MYPN: variants seen among roughly 807,000 people sequenced by gnomAD.
MYPN encodes the protein myopalladin.
A neutral mutation model predicts 129.4 loss-of-function variants in MYPN; 63 were observed. That is an observed-to-expected ratio of 0.49 (90% CI 0.40 to 0.60). The LOEUF is 0.60. MYPN is among the 20% of genes least tolerant of loss of function. The pLI is 0.00. For synonymous variants in MYPN, 629 were observed against 600.9 expected, an observed-to-expected ratio of 1.05 and a Z score of -0.68; for missense variants, 1,596 against 1,635.4, an observed-to-expected ratio of 0.98 and a Z score of 0.42.
chr10:68,103,006 CTTTG>C (rs1423340427), upstream of MYPN, among the ~76,000 whole-genome samples: 3 of 152,136 alleles, frequency 2.0e-5, no homozygotes, highest in African/African-American at 2.4e-5. Context: ...AACCATGAAT[CTTTG>C]TTTGGGCTGT....
At chr10:68,155,127 C>A (rs1375429236) in intron 6 of MYPN, among the ~76,000 whole-genome samples, 1 of 151,884 alleles carries the variant, frequency 6.6e-6, no homozygotes, top group Non-Finnish European at 1.5e-5. Context: ...GTTGCAGTGA[C>A]CCGAGATCAT....
At chr10:68,182,499 T>G (rs12357786) in intron 12 of MYPN, among the ~76,000 whole-genome samples, 1 of 125,414 alleles carries the variant, frequency 8.0e-6, no homozygotes, top group Non-Finnish European at 1.7e-5. Flanking sequence ...CACACACACA[T>G]ATATATATAT....
In MYPN at chr10:68,150,990, T is replaced by C. The variant is rs146547870; in HGVS notation, c.1317+879T>C. ...TGGTTAATTTTGCCCTTCAGAGTCA[T>C]TGGCACTTTTGTTGTCACAGCTGGG... On this transcript the variant is annotated intron_variant, in intron 6 of 19. Coordinates refer to ENST00000358913, the MANE Select transcript of MYPN (RefSeq NM_032578.4). 2.0e-5 allele frequency among the ~76,000 whole-genome samples: 3 copies of C among 152,308 alleles called. No homozygotes were observed. The East Asian group carries it at 5.8e-4, about 29-fold the overall frequency.
chr10:68,173,700 AAGCCTG>A (rs2043178450), intron 10 of MYPN, among the ~76,000 whole-genome samples: 1 of 151,712 alleles, frequency 6.6e-6, no homozygotes, highest in Admixed American at 6.6e-5. Context: ...CTCCAGGCTC[AAGCCTG>A]GGATCTCAAG....
At chr10:68,106,420 T>G (rs1220669726), upstream of MYPN, 1 of 417,420 alleles carries the variant, frequency 2.4e-6, no homozygotes, top group Non-Finnish European at 4.5e-6. Context: ...AGATCTTTTA[T>G]AATCCACCAC....
Position 68,210,311 on chromosome 10 carries a change from G to A in MYPN, c.3819G>A (p.Pro1273=), listed in dbSNP as rs528450397. ...CTCAGTGGCACCATCAGATCCCACC[G>A]CCCATGTCTGTCCGGCCCAGTGGCA... ...IYAQWHHQIP[P]PMSVRPSGSR... is the part of the protein sequence containing the mutation. Residue 1273 remains proline (P), a synonymous_variant, in exon 20 of 20, where the codon CCG becomes CCA. Coordinates refer to ENST00000358913, the MANE Select transcript of MYPN (RefSeq NM_032578.4). 1.6e-5 allele frequency: 26 copies of A among 1,613,734 alleles called. No homozygotes were observed. The highest frequency in any genetic ancestry group is 2.2e-5 in the East Asian group (1 of 44,882).
At chr10:68,181,270 G>A (rs2043308939) in intron 12 of MYPN, among the ~76,000 whole-genome samples, 1 of 152,090 alleles carries the variant, frequency 6.6e-6, no homozygotes, top group Non-Finnish European at 1.5e-5. Flanking sequence ...GCAGAACAGT[G>A]CAGAAAATAC....
intron 2 of MYPN, chr10:68,135,641 CT>C (rs1268794488): frequency 3.9e-6 from 1 of 257,642 alleles, no homozygotes; most frequent in East Asian, 1.8e-4. Context: ...GTGCACAAGC[CT>C]TCTTGAAAAA....
intron 2 of MYPN, among the ~76,000 whole-genome samples, chr10:68,125,844 G>A (rs2042317799): frequency 6.6e-6 from 1 of 152,194 alleles, no homozygotes; most frequent in African/African-American, 2.4e-5. Flanking sequence ...TGAGCTAGTG[G>A]AGGTCATAAA....
At position 68,158,518 on chromosome 10, in the gene MYPN, G is replaced by T. The variant is rs2042919587; in HGVS notation, c.1350G>T (p.Gln450His). The T allele has an allele frequency of 2.5e-6, 4 of 1,614,016 alleles. No individual in the cohort carries two copies. The highest frequency in any genetic ancestry group is 3.4e-6 in the Non-Finnish European group (4 of 1,179,928). ...MLQNLSASEGQLVVFECRVKG... is the reference protein window; with the variant it reads ...MLQNLSASEGHLVVFECRVKG... ...AAAATTTGTCAGCTTCTGAGGGTCA[G>T]CTGGTTGTCTTTGAATGCAGAGTAA... The change falls in exon 7 of 20, where the codon CAG (glutamine) becomes CAT (histidine). Residue 450 changes from glutamine (Q) to histidine (H), a missense_variant. By Grantham distance (24) the Gln-to-His change is conservative (BLOSUM62 0). Coordinates refer to ENST00000358913, the MANE Select transcript of MYPN (RefSeq NM_032578.4).
intron 12 of MYPN, among the ~76,000 whole-genome samples, chr10:68,180,080 T>C (rs1446093373): frequency 6.6e-6 from 1 of 152,216 alleles, no homozygotes; most frequent in Non-Finnish European, 1.5e-5. Context: ...TAGCACATAA[T>C]AGGTACTTAC....
chr10:68,177,069 C>T (rs558859902), intron 12 of MYPN, among the ~76,000 whole-genome samples: 26 of 152,292 alleles, frequency 1.7e-4, no homozygotes, highest in Middle Eastern at 3.4e-3. Context: ...CTTGCACATA[C>T]GCTGTTTGAT....
In MYPN at chr10:68,173,849, T is replaced by TGA. The variant is rs2043181834; in HGVS notation, c.1974-217_1974-216insGA. Among the ~76,000 whole-genome samples the TGA allele has an allele frequency of 5.5e-3, 98 of 17,688 alleles. 1 individual carries two copies. The highest frequency in any genetic ancestry group is 0.01 in the African/African-American group (94 of 9,084). 11.6% of individuals were successfully genotyped at this position (17,688 alleles called of 152,430 possible). ...TATATATAATTTTTTTTTTTTTTGTTAGAGACGGGGTTTCACCATGTTGCC... is the reference window on the plus strand; with the variant it reads ...TATATATAATTTTTTTTTTTTTTGTTGAAGAGACGGGGTTTCACCATGTTGCC... On this transcript the variant is annotated intron_variant, in intron 10 of 19. Transcript: ENST00000358913.
intron 1 of MYPN, among the ~76,000 whole-genome samples, chr10:68,099,293 C>T (rs1433727057): frequency 1.3e-5 from 2 of 152,160 alleles, no homozygotes; most frequent in Non-Finnish European, 2.9e-5. Context: ...TAGTGCTTAA[C>T]TTTCCTATAT....
At position 68,117,290 on chromosome 10, in the gene MYPN, CA is replaced by C. The variant is rs57787880; in HGVS notation, c.-1-4137del. 1.6e-3 allele frequency among the ~76,000 whole-genome samples: 245 copies of C among 148,852 alleles called. 2 individuals are homozygous for C. Among genetic ancestry groups the C allele is most frequent in the African/African-American group, 4.7e-3 (193 of 40,802 alleles). On this transcript the variant is annotated intron_variant, in intron 1 of 19. Coordinates refer to ENST00000358913, the MANE Select transcript of MYPN (RefSeq NM_032578.4). ...GAAAATTCTAATGAACACATAAATT[CA>C]AAAAAAAAAATTTATTGACCACCTT...
chr10:68,179,438 C>T (rs2043280183), intron 12 of MYPN, among the ~76,000 whole-genome samples: 1 of 152,124 alleles, frequency 6.6e-6, no homozygotes, highest in Non-Finnish European at 1.5e-5. Flanking sequence ...GTGCATGGTG[C>T]AGAGTAGGTG....
Position 68,128,902 on chromosome 10 carries a change from A to G in MYPN, c.902+6562A>G, listed in dbSNP as rs148069915. On this transcript the variant is annotated intron_variant, in intron 2 of 19. Transcript: ENST00000358913. ...TGAGTTTAAGAAATTGAAGAAACCA[A>G]TTATGTCTTGATGTCACTAAATCTT... Among the ~76,000 whole-genome samples the G allele has an allele frequency of 2.9e-3, 439 of 152,284 alleles. 2 individuals carry two copies. The highest frequency in any genetic ancestry group is 0.01 in the African/African-American group (421 of 41,562).
At chr10:68,209,165 T>G (rs2043865135) in intron 19 of MYPN, among the ~76,000 whole-genome samples, 1 of 152,164 alleles carries the variant, frequency 6.6e-6, no homozygotes. Flanking sequence ...AACGCCCTTC[T>G]GCACACCAAG....
intron 10 of MYPN, among the ~76,000 whole-genome samples, chr10:68,173,088 A>G (rs1304578433): frequency 6.6e-6 from 1 of 152,200 alleles, no homozygotes; most frequent in Non-Finnish European, 1.5e-5. Context: ...AAAGAAAAAC[A>G]AAAACAAAAA....
Sources: gnomAD v4.1 joint callset for allele counts (sites outside exome capture counted in the v4.1 genomes callset) on GRCh38, gnomAD v4.1.1 for gene constraint, MANE v1.5 for transcripts, NCBI Gene and HGNC (gene_info 2026-07-23, HGNC 2026-07-21) for gene names.